The following GREB1L variants were observed in gnomAD, a reference collection of about 807,000 sequenced individuals.
The protein encoded by GREB1L is GREB1-like protein.
A neutral mutation model predicts 200.8 loss-of-function variants in GREB1L; 17 were observed. That is an observed-to-expected ratio of 0.08 (90% CI 0.06 to 0.13). GREB1L has a LOEUF of 0.13. GREB1L is among the 10% of genes least tolerant of loss of function. The probability of loss-of-function intolerance (pLI) is 1.00; values close to 1 mark genes in which losing one functional copy is unlikely to be tolerated. For synonymous variants in GREB1L, 789 were observed against 893.0 expected (o/e 0.88, Z 2.08); for missense variants, 1,657 against 2,367.7 (o/e 0.70, Z 6.23).
intron 7 of GREB1L, among the ~76,000 whole-genome samples, chr18:21,414,059 C>T (rs11872645): frequency 0.012 from 1,801 of 152,286 alleles, 41 homozygotes; most frequent in African/African-American, 0.041. Flanking sequence ...ATAATAATCT[C>T]ACTTTAGCGG....
intron 1 of GREB1L, among the ~76,000 whole-genome samples, chr18:21,307,824 G>C (rs1488316985): frequency 6.6e-6 from 1 of 152,056 alleles, no homozygotes; most frequent in Admixed American, 6.5e-5. Flanking sequence ...TGGGCTGCCC[G>C]TGCCCCTCGA....
At chr18:21,491,810 G>A (rs1238649263) in intron 19 of GREB1L, among the ~76,000 whole-genome samples, 3 of 151,852 alleles carry the variant, frequency 2.0e-5, no homozygotes, top group East Asian at 1.9e-4. Context: ...AAAATATCTT[G>A]TATTAGCTTA....
At chr18:21,331,142 G>A (rs1414002519) in intron 1 of GREB1L, among the ~76,000 whole-genome samples, 2 of 152,196 alleles carry the variant, frequency 1.3e-5, no homozygotes, top group Admixed American at 6.5e-5. Context: ...CACAATGGTT[G>A]AATTGGTGAC....
At chr18:21,444,467 T>C (rs2034095087) in intron 11 of GREB1L, 58 bp downstream of exon 11, 1 of 1,344,900 alleles carries the variant, frequency 7.4e-7, no homozygotes, top group Non-Finnish European at 1.0e-6. Flanking sequence ...TTTTGTGATG[T>C]ACTTTTTCTT....
chr18:21,449,889 T>C lies in GREB1L; in HGVS notation c.1720+53T>C. 2.2e-6 allele frequency: 3 copies of C among 1,348,618 alleles called. No homozygotes were observed. The South Asian group carries it at 4.6e-5, about 21-fold the overall frequency. 83.5% of individuals were successfully genotyped at this position (1,348,618 alleles called of 1,614,324 possible). ...TTTAATCAATTCATTCGACCATTTT[T>C]CCATTTAAAAATGTGTGTTATGTGT... On this transcript the variant is annotated intron_variant, in intron 12 of 32. Transcript: ENST00000424526.
chr18:21,430,957 C>A (rs1253000542), intron 7 of GREB1L, among the ~76,000 whole-genome samples: 2 of 150,270 alleles, frequency 1.3e-5, no homozygotes, highest in African/African-American at 4.9e-5. Flanking sequence ...TAGTGGCATC[C>A]CATAAGTTGT....
chr18:21,462,918 T>C (rs1480830551), intron 15 of GREB1L, among the ~76,000 whole-genome samples: 1 of 152,194 alleles, frequency 6.6e-6, no homozygotes, highest in Non-Finnish European at 1.5e-5. Context: ...ATCACATTGA[T>C]AACATTAACC....
intron 6 of GREB1L, among the ~76,000 whole-genome samples, chr18:21,403,607 C>A (rs1277839137): frequency 6.6e-6 from 1 of 152,110 alleles, no homozygotes; most frequent in Non-Finnish European, 1.5e-5. Flanking sequence ...ATATTGGTTA[C>A]GAGTATTTTT....
At chr18:21,289,729 A>T (rs1308525673) in intron 1 of GREB1L, among the ~76,000 whole-genome samples, 2 of 152,246 alleles carry the variant, frequency 1.3e-5, no homozygotes, top group East Asian at 3.8e-4. Context: ...GGACAAATGT[A>T]CAGTCACTGT....
At chr18:21,485,116 A>G (rs1342951267) in intron 17 of GREB1L, among the ~76,000 whole-genome samples, 5 of 152,226 alleles carry the variant, frequency 3.3e-5, no homozygotes, top group Admixed American at 2.6e-4. Flanking sequence ...AATACTGTGG[A>G]TCCTGTTAAA....
intron 6 of GREB1L, chr18:21,401,723 T>TA (rs751433542): frequency 1.3e-5 from 2 of 156,690 alleles, no homozygotes; most frequent in Non-Finnish European, 2.8e-5. Context: ...GACCTAAACA[T>TA]ACTTAGAATA....
intron 2 of GREB1L, among the ~76,000 whole-genome samples, chr18:21,370,543 C>T (rs1186082642): frequency 2.0e-5 from 3 of 152,074 alleles, no homozygotes; most frequent in African/African-American, 7.2e-5. Flanking sequence ...AATACAGTAA[C>T]AAATAATTTT....
At position 21,524,266 on chromosome 18, in the gene GREB1L, AAGG is replaced by A. The variant is rs1052250907; in HGVS notation, c.*1448_*1450del. On this transcript the variant is annotated 3_prime_UTR_variant, in exon 33 of 33. Transcript: ENST00000424526. The stretch of plus-strand genomic sequence containing the variant: ...ACCAGCTTTATTATCTTATGACAAC[AAGG>A]AGTTTACAAAGCTAGTGAAAAAATG... The A allele has an allele frequency of 2.0e-4, 30 of 152,336 alleles. No homozygotes were observed. The highest frequency in any genetic ancestry group is 7.0e-4 in the African/African-American group (29 of 41,588). 9.4% of individuals were successfully genotyped at this position (152,336 alleles called of 1,614,324 possible).
At chr18:21,382,491 ATTT>A (rs36119910) in intron 2 of GREB1L, among the ~76,000 whole-genome samples, 5 of 139,056 alleles carry the variant, frequency 3.6e-5, no homozygotes, top group Non-Finnish European at 3.1e-5. Flanking sequence ...TATACATGGA[ATTT>A]TTTTTTTTTT....
At chr18:21,443,203 C>G (rs1410860489) in intron 10 of GREB1L, among the ~76,000 whole-genome samples, 1 of 148,916 alleles carries the variant, frequency 6.7e-6, no homozygotes, top group Non-Finnish European at 1.5e-5. Flanking sequence ...CCCCACCTGG[C>G]CAGTGTTTTT....
At chr18:21,257,449 G>A (rs1185088419) in intron 1 of GREB1L, among the ~76,000 whole-genome samples, 2 of 152,108 alleles carry the variant, frequency 1.3e-5, no homozygotes, top group African/African-American at 4.8e-5. Flanking sequence ...TATCAGAATT[G>A]TTTCATATCA....
At chr18:21,482,351 G>A (rs1250261223) in intron 17 of GREB1L, among the ~76,000 whole-genome samples, 13 of 152,214 alleles carry the variant, frequency 8.5e-5, no homozygotes, top group Non-Finnish European at 1.8e-4. Flanking sequence ...TCTGCCTCCC[G>A]GGTTCAAGCG....
chr18:21,501,587 A>C (rs1380707118), intron 23 of GREB1L, among the ~76,000 whole-genome samples: 1 of 152,124 alleles, frequency 6.6e-6, no homozygotes, highest in Non-Finnish European at 1.5e-5. Flanking sequence ...GGCTGCAAAA[A>C]AGTGTTTTAT....
intron 1 of GREB1L, among the ~76,000 whole-genome samples, chr18:21,267,266 C>A (rs2037986079): frequency 6.7e-6 from 1 of 148,448 alleles, no homozygotes; most frequent in African/African-American, 2.5e-5. Context: ...ACTGCAACCT[C>A]TGCCTCCCGG....
Sources: gnomAD v4.1 joint callset for allele counts (sites outside exome capture counted in the v4.1 genomes callset) on GRCh38, gnomAD v4.1.1 for gene constraint, MANE v1.5 for transcripts, NCBI Gene and HGNC (gene_info 2026-07-23, HGNC 2026-07-21) for gene names.